Variants in CACNA2D3 observed in about 807,000 individuals in gnomAD.
CACNA2D3 encodes voltage-dependent calcium channel subunit alpha-2/delta-3.
CACNA2D3 carries 60 observed loss-of-function variants against 160.6 expected under a neutral mutation model. The observed-to-expected ratio is 0.37, with a 90% confidence interval of 0.30 to 0.46. The LOEUF is 0.46. Ranked by LOEUF, CACNA2D3 falls within the 20% of genes least tolerant of loss-of-function variation. The probability of loss-of-function intolerance (pLI) is 1.00; values close to 1 mark genes in which losing one functional copy is unlikely to be tolerated. For synonymous variants in CACNA2D3, 558 were observed against 492.9 expected (o/e 1.13, Z -1.75); for missense variants, 1,205 against 1,365.0 (o/e 0.88, Z 1.85).
intron 4 of CACNA2D3, among the ~76,000 whole-genome samples, chr3:54,447,686 A>C (rs1700244356): frequency 6.6e-6 from 1 of 152,226 alleles, no homozygotes; most frequent in African/African-American, 2.4e-5. Context: ...ACGTCAAAGC[A>C]AATACAGGCC....
At chr3:55,006,003 G>C (rs1324297207) in intron 32 of CACNA2D3, among the ~76,000 whole-genome samples, 1 of 152,150 alleles carries the variant, frequency 6.6e-6, no homozygotes, top group African/African-American at 2.4e-5. Context: ...TACACTGAGG[G>C]AGCAAGAAAT....
chr3:54,400,591 A>C (rs1699439572), intron 4 of CACNA2D3, among the ~76,000 whole-genome samples: 1 of 152,048 alleles, frequency 6.6e-6, no homozygotes, highest in Non-Finnish European at 1.5e-5. Context: ...ACTGCCCCAA[A>C]CTCCTACAGC....
intron 2 of CACNA2D3, among the ~76,000 whole-genome samples, chr3:54,138,990 G>T (rs533155284): frequency 4.6e-5 from 7 of 152,300 alleles, no homozygotes; most frequent in Admixed American, 4.6e-4. Context: ...TGGGCTGGAG[G>T]GGGCAGGAGT....
intron 11 of CACNA2D3, among the ~76,000 whole-genome samples, chr3:54,654,453 C>T (rs1235405988): frequency 6.6e-6 from 1 of 152,042 alleles, no homozygotes; most frequent in Non-Finnish European, 1.5e-5. Context: ...TTAAAAATTG[C>T]AAATCTAGTA....
intron 5 of CACNA2D3, among the ~76,000 whole-genome samples, chr3:54,536,136 G>A (rs1701885687): frequency 6.6e-6 from 1 of 152,192 alleles, no homozygotes; most frequent in Admixed American, 6.5e-5. Flanking sequence ...AAAACATCCA[G>A]TGTTCAGCCT....
At chr3:55,001,403 T>C (rs1702977094) in intron 31 of CACNA2D3, among the ~76,000 whole-genome samples, 1 of 152,230 alleles carries the variant, frequency 6.6e-6, no homozygotes, top group South Asian at 2.1e-4. Context: ...TAACAGCAGC[T>C]ATAGCTCTGC....
rs145354589 is a variant in CACNA2D3, at chr3:54,923,925, C to T, written c.2449+24057C>T. The stretch of plus-strand genomic sequence containing the variant: ...TTATAGTGCAAAGCAACCACTCACT[C>T]ATTATATAATGAATGGGCATGGCTG... On this transcript the variant is annotated intron_variant, in intron 27 of 37. Transcript: ENST00000474759. 2.2e-3 allele frequency among the ~76,000 whole-genome samples: 329 copies of T among 152,310 alleles called. 1 individual carries two copies. The highest frequency in any genetic ancestry group is 7.4e-3 in the African/African-American group (309 of 41,576).
At chr3:54,387,513 G>A (rs1034882459) in intron 4 of CACNA2D3, among the ~76,000 whole-genome samples, 32 of 152,272 alleles carry the variant, frequency 2.1e-4, no homozygotes, top group African/African-American at 6.5e-4. Flanking sequence ...TTAGCTGGGC[G>A]TGGTAGCGCA....
intron 11 of CACNA2D3, among the ~76,000 whole-genome samples, chr3:54,727,797 T>C (rs1701306385): frequency 6.6e-6 from 1 of 152,136 alleles, no homozygotes; most frequent in Admixed American, 6.5e-5. Flanking sequence ...TTAGGAGAAA[T>C]ACCTAATGTA....
intron 3 of CACNA2D3, among the ~76,000 whole-genome samples, chr3:54,339,837 C>T (rs1220215452): frequency 3.9e-5 from 6 of 152,152 alleles, no homozygotes; most frequent in Non-Finnish European, 8.8e-5. Context: ...ACCACTCACT[C>T]CTGTTAATTA....
At chr3:54,519,414 G>A (rs1414521551) in intron 5 of CACNA2D3, among the ~76,000 whole-genome samples, 1 of 152,118 alleles carries the variant, frequency 6.6e-6, no homozygotes, top group Admixed American at 6.5e-5. Context: ...CAGTGCTCTG[G>A]GTGACACCAG....
intron 2 of CACNA2D3, among the ~76,000 whole-genome samples, chr3:54,141,088 C>CGTGTGTGTGTGTGT (rs1559860084): frequency 1.7e-5 from 2 of 120,480 alleles, no homozygotes; most frequent in Non-Finnish European, 3.3e-5. Context: ...TGTGTGTGTG[C>CGTGTGTGTGTGTGT]GCGCGCGCGC....
chr3:54,802,141 C>A (rs150466754), intron 13 of CACNA2D3, among the ~76,000 whole-genome samples: 24 of 152,214 alleles, frequency 1.6e-4, no homozygotes, highest in African/African-American at 4.8e-4. Context: ...TCAACATCAC[C>A]ATAATAGCAA....
At chr3:54,320,209 T>C (rs138163750) in intron 2 of CACNA2D3, among the ~76,000 whole-genome samples, 27 of 152,350 alleles carry the variant, frequency 1.8e-4, no homozygotes, top group Middle Eastern at 6.8e-3. Flanking sequence ...GGTTAAGATA[T>C]ATTCCTTTCC....
At chr3:54,527,781 T>G (rs1015332135) in intron 5 of CACNA2D3, among the ~76,000 whole-genome samples, 7 of 152,128 alleles carry the variant, frequency 4.6e-5, no homozygotes, top group Admixed American at 6.5e-5. Context: ...CTTGGCCATA[T>G]AAGCCTAGAG....
At chr3:55,019,035 A>G (rs111453841) in intron 35 of CACNA2D3, among the ~76,000 whole-genome samples, 6 of 148,720 alleles carry the variant, frequency 4.0e-5, no homozygotes, top group African/African-American at 1.2e-4. Context: ...CTCCTGTCTC[A>G]GCCTCCCAAG....
chr3:54,681,047 C>CT (rs1248225301), intron 11 of CACNA2D3, among the ~76,000 whole-genome samples: 2 of 151,826 alleles, frequency 1.3e-5, no homozygotes, highest in African/African-American at 4.8e-5. Context: ...TATCTAATGG[C>CT]TTTTTTCCCT....
At chr3:54,290,235 G>A (rs1703154057) in intron 2 of CACNA2D3, among the ~76,000 whole-genome samples, 1 of 152,102 alleles carries the variant, frequency 6.6e-6, no homozygotes, top group Non-Finnish European at 1.5e-5. Context: ...AGCCCCATCA[G>A]AAAGTGGGCG....
intron 2 of CACNA2D3, among the ~76,000 whole-genome samples, chr3:54,235,030 C>T (rs533382333): frequency 1.3e-5 from 2 of 152,086 alleles, no homozygotes; most frequent in Non-Finnish European, 2.9e-5. Context: ...AAAAAAATTC[C>T]CGTCTTCCAG....
Sources: allele counts gnomAD v4.1 joint callset (sites outside exome capture counted in the v4.1 genomes callset), GRCh38; gene constraint gnomAD v4.1.1; transcripts MANE v1.5; gene names NCBI Gene and HGNC (gene_info 2026-07-23, HGNC 2026-07-21).